CTCF: variants seen among roughly 807,000 people sequenced by gnomAD.
CTCF encodes the protein CCCTC-binding factor.
Under a neutral mutation model 72.3 loss-of-function variants are expected in CTCF, and 7 were observed. The observed-to-expected ratio is 0.10, with a 90% CI of 0.06 to 0.18. CTCF has a LOEUF of 0.18. CTCF is among the 10% of genes least tolerant of loss of function. CTCF has a pLI of 1.00. For missense variants in CTCF, 516 were observed against 949.1 expected (o/e 0.54, Z 6.00); for synonymous variants, 374 against 315.8 (o/e 1.18, Z -1.95).
intron 2 of CTCF, among the ~76,000 whole-genome samples, chr16:67,591,342 T>TAAATAGATGAGTGCTTTTTC (rs2051741494): frequency 6.6e-6 from 1 of 152,142 alleles, no homozygotes. Context: ...CAGTTGTGAT[T>TAAATAGATGAGTGCTTTTTC]AAATAGATGA....
chr16:67,606,701 C>T (rs553293387), intron 2 of CTCF, among the ~76,000 whole-genome samples: 125 of 149,844 alleles, frequency 8.3e-4, no homozygotes, highest in African/African-American at 2.9e-3. Context: ...ACAAAAGCTT[C>T]GTTTGAGCTG....
At chr16:67,587,173 T>G (rs1031510673) in intron 2 of CTCF, among the ~76,000 whole-genome samples, 16 of 150,092 alleles carry the variant, frequency 1.1e-4, no homozygotes, top group African/African-American at 3.4e-4. Context: ...CACAGCTTGC[T>G]GCAGCCTCAA....
rs989634898 is a variant in CTCF, at chr16:67,609,370, G to A, written c.-9-1454G>A. 8.5e-5 allele frequency among the ~76,000 whole-genome samples: 13 copies of A among 152,184 alleles called. 1 individual carries two copies. In the East Asian group the frequency reaches 1.4e-3, roughly 16 times the overall value. ...GAACTTATTCCCACTGAAATTATAT[G>A]TCCTTTACCAGTGTCTTCCCCACTA... On this transcript the variant is annotated intron_variant, in intron 2 of 11. Coordinates refer to ENST00000264010, the MANE Select transcript of CTCF (RefSeq NM_006565.4).
intron 7 of CTCF, among the ~76,000 whole-genome samples, chr16:67,623,946 G>T (rs1330530526): frequency 6.6e-6 from 1 of 151,712 alleles, no homozygotes; most frequent in Non-Finnish European, 1.5e-5. Context: ...TACTTGGGAG[G>T]CTGAGGCAGG....
chr16:67,565,549 C>G (rs543605968), intron 1 of CTCF, among the ~76,000 whole-genome samples: 2 of 151,618 alleles, frequency 1.3e-5, no homozygotes, highest in Admixed American at 6.6e-5. Context: ...TGGCACACGC[C>G]GTAGTCCTGG....
chr16:67,605,714 G>A (rs1293772697), intron 2 of CTCF, among the ~76,000 whole-genome samples: 5 of 152,184 alleles, frequency 3.3e-5, no homozygotes, highest in African/African-American at 1.2e-4. Context: ...TATTTTATCA[G>A]AAACACATTT....
In CTCF at chr16:67,609,864, A is replaced by G. The variant is rs1441598571; in HGVS notation, c.-9-960A>G. Among the ~76,000 whole-genome samples the G allele has an allele frequency of 1.7e-4, 26 of 151,814 alleles. No homozygotes were observed. The South Asian group carries it at 5.4e-3, about 32-fold the overall frequency. On this transcript the variant is annotated intron_variant, in intron 2 of 11. Transcript: ENST00000264010. The stretch of plus-strand genomic sequence containing the variant: ...TGGTCTCGATCTCCTGACCTCCGGT[A>G]ATCTGCCCGCCTCAGCCTCCCAAAG...
intron 11 of CTCF, among the ~76,000 whole-genome samples, chr16:67,637,055 CAAG>C (rs766328269): frequency 1.5e-3 from 221 of 152,142 alleles, no homozygotes; most frequent in Admixed American, 3.9e-3. Flanking sequence ...TGTTACATTT[CAAG>C]AAGAAGTCCA....
intron 2 of CTCF, among the ~76,000 whole-genome samples, chr16:67,597,814 C>T (rs1453613116): frequency 2.6e-5 from 4 of 152,116 alleles, no homozygotes; most frequent in Admixed American, 1.3e-4. Context: ...TGGATTCTCT[C>T]TTCTGTTTAA....
In CTCF at chr16:67,629,545, G is replaced by T; in HGVS notation, c.1837+12G>T. On this transcript the variant is annotated intron_variant, in intron 10 of 11. Coordinates refer to ENST00000264010, the MANE Select transcript of CTCF (RefSeq NM_006565.4). ...TTCCTCTGACAGTGGTAAGTGACTT[G>T]TTCCTTGATTTGCTTACTATGGCAG... 6.2e-7 allele frequency: 1 copy of T among 1,611,876 alleles called. No individual in the cohort carries two copies.
In CTCF at chr16:67,569,419, C is replaced by T. The variant is rs187121601; in HGVS notation, c.-126-1729C>T. Among the ~76,000 whole-genome samples, 631 of 145,758 alleles carry T rather than the reference C, an allele frequency of 4.3e-3. 3 individuals carry two copies. The highest frequency in any genetic ancestry group is 0.016 in the African/African-American group (617 of 39,372). ...CAGGATGGTCTCAATCTCTTGACCT[C>T]GTGATCCGCCCGCTTTGGCCTCCCA... On this transcript the variant is annotated intron_variant, in intron 1 of 11. Transcript: ENST00000264010.
intron 10 of CTCF, among the ~76,000 whole-genome samples, chr16:67,635,335 G>T (rs918620835): frequency 1.2e-4 from 18 of 148,598 alleles, no homozygotes; most frequent in Admixed American, 3.4e-4. Context: ...TTGTTTTTTT[G>T]TTTTTTTTAA....
At chr16:67,584,980 C>A (rs936675397) in intron 2 of CTCF, among the ~76,000 whole-genome samples, 1 of 152,122 alleles carries the variant, frequency 6.6e-6, no homozygotes, top group African/African-American at 2.4e-5. Flanking sequence ...ATGTGTATGT[C>A]TAGAAAAACA....
At chr16:67,577,146 T>C (rs1353628805) in intron 2 of CTCF, among the ~76,000 whole-genome samples, 1 of 151,730 alleles carries the variant, frequency 6.6e-6, no homozygotes, top group Admixed American at 6.6e-5. Flanking sequence ...GGGCCGGGCG[T>C]GGTGGCTCAC....
chr16:67,629,745 C>CTTTT (rs1567616725), intron 10 of CTCF, among the ~76,000 whole-genome samples: 55 of 85,064 alleles, frequency 6.5e-4, no homozygotes, highest in Middle Eastern at 8.8e-3. Flanking sequence ...TCATTAATGC[C>CTTTT]CTTTTTTTTT....
At chr16:67,597,192 G>A (rs558228032) in intron 2 of CTCF, among the ~76,000 whole-genome samples, 3 of 151,978 alleles carry the variant, frequency 2.0e-5, no homozygotes, top group Non-Finnish European at 4.4e-5. Context: ...ACACCACCAT[G>A]CCCAGCTGAC....
At chr16:67,624,071 ATGTGTGTGTGTG>A (rs58387336) in intron 7 of CTCF, among the ~76,000 whole-genome samples, 10,045 of 117,518 alleles carry the variant, frequency 0.085, 535 homozygotes, top group Non-Finnish European at 0.13. Context: ...AAAATTATAT[ATGTGTGTGTGTG>A]TGTGTGTGTG....
chr16:67,635,904 G>A (rs1187977958), intron 10 of CTCF, among the ~76,000 whole-genome samples: 1 of 152,004 alleles, frequency 6.6e-6, no homozygotes, highest in Non-Finnish European at 1.5e-5. Context: ...GGGATTACAA[G>A]TGTGAACCAC....
chr16:67,589,030 GC>G (rs2051704150), intron 2 of CTCF, among the ~76,000 whole-genome samples: 1 of 152,038 alleles, frequency 6.6e-6, no homozygotes, highest in African/African-American at 2.4e-5. Context: ...AATGGCTCAT[GC>G]CCATAATCCC....
Sources: allele counts gnomAD v4.1 joint callset (sites outside exome capture counted in the v4.1 genomes callset), GRCh38; gene constraint gnomAD v4.1.1; transcripts MANE v1.5; gene names NCBI Gene and HGNC (gene_info 2026-07-23, HGNC 2026-07-21).